Variants in ANGPT1 observed in about 807,000 individuals in gnomAD.
The protein encoded by ANGPT1 is angiopoietin 1, also known as angiopoietin-1.
A neutral mutation model predicts 62.2 loss-of-function variants in ANGPT1; 17 were observed. The ratio of observed to expected loss-of-function variants is 0.27; its 90% confidence interval spans 0.19 to 0.41. The LOEUF is 0.41. Among genes scored for constraint, ANGPT1 ranks in the 10% least tolerant of loss-of-function variants. The probability of loss-of-function intolerance (pLI) is 1.00; values close to 1 mark genes in which losing one functional copy is unlikely to be tolerated. For missense variants in ANGPT1, 478 were observed against 594.9 expected (o/e 0.80, Z 2.04); for synonymous variants, 199 against 198.9 (o/e 1.00, Z 0.00).
intron 6 of ANGPT1, among the ~76,000 whole-genome samples, chr8:107,287,218 A>T (rs961121662): frequency 6.6e-6 from 1 of 152,076 alleles, no homozygotes; most frequent in Non-Finnish European, 1.5e-5. Flanking sequence ...TGTGTGGATA[A>T]AACTCTCCAA....
intron 6 of ANGPT1, among the ~76,000 whole-genome samples, chr8:107,293,303 G>A (rs1814326271): frequency 6.6e-6 from 1 of 152,088 alleles, no homozygotes; most frequent in East Asian, 1.9e-4. Context: ...TGTACTCCTC[G>A]TGCCTTAAAT....
chr8:107,395,967 G>T (rs919879068), intron 1 of ANGPT1, among the ~76,000 whole-genome samples: 11 of 152,082 alleles, frequency 7.2e-5, no homozygotes, highest in African/African-American at 2.2e-4. Context: ...CATTAGAAAA[G>T]ACACTTATGT....
At chr8:107,455,058 AC>A (rs1197245372) in intron 1 of ANGPT1, among the ~76,000 whole-genome samples, 3 of 151,980 alleles carry the variant, frequency 2.0e-5, no homozygotes, top group African/African-American at 7.2e-5. Flanking sequence ...CTTTTACTCA[AC>A]CTAAAAATAG....
chr8:107,420,347 G>A (rs1810865896), intron 1 of ANGPT1, among the ~76,000 whole-genome samples: 1 of 152,034 alleles, frequency 6.6e-6, no homozygotes, highest in African/African-American at 2.4e-5. Flanking sequence ...CTTGGCCAAG[G>A]TAGTCGTGTA....
chr8:107,362,832 C>G (rs1176425752), intron 1 of ANGPT1, among the ~76,000 whole-genome samples: 3 of 151,952 alleles, frequency 2.0e-5, no homozygotes, highest in Admixed American at 2.0e-4. Context: ...AGTAATTTCC[C>G]AGAAGACATA....
In ANGPT1 at chr8:107,497,529, G is replaced by A. The variant is rs1397739647; in HGVS notation, c.30C>T (p.Leu10=). 1 of 1,614,022 alleles carries A rather than the reference G, an allele frequency of 6.2e-7. No individual in the cohort carries two copies. The highest frequency in any genetic ancestry group is 8.5e-7 in the Non-Finnish European group (1 of 1,179,972). Residue 10 remains leucine (L), a synonymous_variant, in exon 1 of 9, where the codon CTC becomes CTT. Coordinates refer to ENST00000517746, the MANE Select transcript of ANGPT1 (RefSeq NM_001146.5). ...ACCCTATGTGAGTCAGAATGGCAGCGAGGAAAGCAAAGGAAAGGAAAACTG... is the reference window on the plus strand; with the variant it reads ...ACCCTATGTGAGTCAGAATGGCAGCAAGGAAAGCAAAGGAAAGGAAAACTG... MTVFLSFAF[L]AAILTHIGCS...
At chr8:107,352,088 C>G (rs1353076199) in intron 1 of ANGPT1, among the ~76,000 whole-genome samples, 1 of 152,092 alleles carries the variant, frequency 6.6e-6, no homozygotes, top group African/African-American at 2.4e-5. Context: ...AGCTTGTGCT[C>G]CATTCTGAAG....
chr8:107,454,062 T>C (rs1349778530), intron 1 of ANGPT1, among the ~76,000 whole-genome samples: 1 of 152,114 alleles, frequency 6.6e-6, no homozygotes, highest in East Asian at 1.9e-4. Flanking sequence ...GAACTGATGC[T>C]ACTGATATAA....
In ANGPT1 at chr8:107,289,750, G is replaced by A. The variant is rs573054549; in HGVS notation, c.1038+4186C>T. On this transcript the variant is annotated intron_variant, in intron 6 of 8. Coordinates refer to ENST00000517746, the MANE Select transcript of ANGPT1 (RefSeq NM_001146.5). The stretch of plus-strand genomic sequence containing the variant: ...CACACTGAAATTTTTGAGTGGATAG[G>A]AAGCTCTGTTTATGGGGGTAATTGT... 1.3e-4 allele frequency among the ~76,000 whole-genome samples: 20 copies of A among 152,236 alleles called. No individual in the cohort carries two copies. The South Asian group carries it at 2.3e-3, about 17-fold the overall frequency.
intron 1 of ANGPT1, among the ~76,000 whole-genome samples, chr8:107,402,952 G>A (rs1156509495): frequency 2.0e-5 from 3 of 152,154 alleles, no homozygotes; most frequent in Non-Finnish European, 4.4e-5. Context: ...TTTTGTTTGA[G>A]AGGATGAAAA....
intron 4 of ANGPT1, among the ~76,000 whole-genome samples, chr8:107,307,720 A>G (rs1461408181): frequency 1.3e-5 from 2 of 152,020 alleles, no homozygotes; most frequent in Non-Finnish European, 2.9e-5. Flanking sequence ...TATTTCTTAT[A>G]TATCTGTTCA....
chr8:107,293,790 T>C (rs896874641), intron 6 of ANGPT1, 146 bp downstream of exon 6: 1 of 590,788 alleles, frequency 1.7e-6, no homozygotes, highest in African/African-American at 1.9e-5. Context: ...ATGAGTGTTT[T>C]GTGTCTAATG....
At chr8:107,271,698 G>A (rs935867713) in intron 7 of ANGPT1, among the ~76,000 whole-genome samples, 5 of 152,056 alleles carry the variant, frequency 3.3e-5, no homozygotes, top group Admixed American at 6.6e-5. Context: ...TTGCTTTGCT[G>A]ACTGACTATG....
chr8:107,312,224 C>T (rs1586212788), intron 4 of ANGPT1, among the ~76,000 whole-genome samples: 1 of 152,192 alleles, frequency 6.6e-6, no homozygotes, highest in Non-Finnish European at 1.5e-5. Flanking sequence ...GAATGCTGCA[C>T]GGCCCTTGCC....
chr8:107,404,431 C>G (rs1475531431), intron 1 of ANGPT1, among the ~76,000 whole-genome samples: 1 of 152,024 alleles, frequency 6.6e-6, no homozygotes, highest in Non-Finnish European at 1.5e-5. Context: ...AAGATATTTT[C>G]TATATATTCA....
intron 1 of ANGPT1, among the ~76,000 whole-genome samples, chr8:107,496,786 C>T (rs1429413405): frequency 6.6e-6 from 1 of 152,056 alleles, no homozygotes; most frequent in Admixed American, 6.6e-5. Context: ...TATTTACTCT[C>T]ACTTCATGTT....
At chr8:107,427,809 A>T (rs1036193134) in intron 1 of ANGPT1, among the ~76,000 whole-genome samples, 2 of 152,168 alleles carry the variant, frequency 1.3e-5, no homozygotes, top group African/African-American at 4.8e-5. Flanking sequence ...TCTTCTCTCA[A>T]TAGGAGGAGG....
At position 107,366,835 on chromosome 8, in the gene ANGPT1, T is replaced by C. The variant is rs140942794; in HGVS notation, c.298-19738A>G. Among the ~76,000 whole-genome samples the C allele has an allele frequency of 3.6e-3, 542 of 152,276 alleles. 3 individuals carry two copies. The highest frequency in any genetic ancestry group is 0.011 in the African/African-American group (473 of 41,550). On this transcript the variant is annotated intron_variant, in intron 1 of 8. Coordinates refer to ENST00000517746, the MANE Select transcript of ANGPT1 (RefSeq NM_001146.5). Reference sequence around the variant, plus strand: ...ATGCTATGCCACTTCAAATATTGCATTGTAAATGGCACTACAGGTTCTATT... The same window carrying C: ...ATGCTATGCCACTTCAAATATTGCACTGTAAATGGCACTACAGGTTCTATT...
intron 4 of ANGPT1, 121 bp downstream of exon 4, chr8:107,321,775 A>C: frequency 1.3e-6 from 1 of 746,388 alleles, no homozygotes; most frequent in East Asian, 2.8e-5. Context: ...GATTCTAACC[A>C]TAAAGTTCTT....
Sources: allele counts gnomAD v4.1 joint callset (sites outside exome capture counted in the v4.1 genomes callset), GRCh38; gene constraint gnomAD v4.1.1; transcripts MANE v1.5; gene names NCBI Gene and HGNC (gene_info 2026-07-23, HGNC 2026-07-21).